The following SETBP1 variants were observed in gnomAD, a reference collection of about 807,000 sequenced individuals.
SETBP1 encodes the protein SET binding protein 1.
SETBP1 carries 9 observed loss-of-function variants against 101.0 expected under a neutral mutation model. The ratio of observed to expected loss-of-function variants is 0.09; its 90% CI spans 0.05 to 0.16. The LOEUF is 0.16. Ranked by LOEUF, SETBP1 falls within the 10% of genes least tolerant of loss-of-function variation. SETBP1 has a pLI of 1.00. For missense variants in SETBP1, 1,858 were observed against 2,033.8 expected (o/e 0.91, Z 1.66); for synonymous variants, 818 against 788.5 (o/e 1.04, Z -0.63).
intron 3 of SETBP1, among the ~76,000 whole-genome samples, chr18:44,893,375 T>C (rs1256112031): frequency 6.6e-6 from 1 of 152,200 alleles, no homozygotes; most frequent in Non-Finnish European, 1.5e-5. Flanking sequence ...ATTTGAAAGA[T>C]GTGCAAATGG....
At chr18:44,746,860 T>C (rs1364688847) in intron 2 of SETBP1, among the ~76,000 whole-genome samples, 1 of 152,214 alleles carries the variant, frequency 6.6e-6, no homozygotes, top group African/African-American at 2.4e-5. Flanking sequence ...GCACATGTGA[T>C]TGGAGACGAT....
chr18:44,815,342 G>A (rs892307734), intron 2 of SETBP1, among the ~76,000 whole-genome samples: 2 of 152,234 alleles, frequency 1.3e-5, no homozygotes, highest in Admixed American at 1.3e-4. Flanking sequence ...CAGGAGTTTT[G>A]AACTGAACTT....
intron 3 of SETBP1, among the ~76,000 whole-genome samples, chr18:44,930,546 G>T (rs542676403): frequency 4.9e-4 from 74 of 152,296 alleles, no homozygotes; most frequent in African/African-American, 1.7e-3. Flanking sequence ...GTAGAATTCA[G>T]CTGTGAATCC....
chr18:44,787,592 C>T (rs569683658), intron 2 of SETBP1, among the ~76,000 whole-genome samples: 5 of 151,908 alleles, frequency 3.3e-5, no homozygotes, highest in East Asian at 3.9e-4. Flanking sequence ...CGGTGGCTCA[C>T]GCCTGTAATC....
At chr18:44,943,740 C>T (rs1368440038) in intron 3 of SETBP1, among the ~76,000 whole-genome samples, 1 of 152,218 alleles carries the variant, frequency 6.6e-6, no homozygotes, top group Non-Finnish European at 1.5e-5. Flanking sequence ...TTGCTTCTAG[C>T]TTCAGTGATG....
In SETBP1 at chr18:44,701,310, C is replaced by T. The variant is rs2069111086; in HGVS notation, c.-37C>T. On this transcript the variant is annotated 5_prime_UTR_variant, in exon 2 of 6. Transcript: ENST00000649279. ...CTTTCCCTTTTCCCTTTTCCCCTTC[C>T]CCCTCCTGAGAACTCCGGAAGACTG... The T allele has an allele frequency of 6.9e-7, 1 of 1,453,334 alleles. No homozygotes were observed. Among genetic ancestry groups the T allele is most frequent in the Non-Finnish European group, 9.1e-7 (1 of 1,100,472 alleles). The allele number at this position is 1,453,334 out of a possible 1,614,324, so 90.0% of individuals were successfully genotyped here. A position where few individuals can be genotyped will look rare whatever the true frequency, so the allele number is the denominator to read the frequency against.
At chr18:44,814,596 G>A (rs1268510181) in intron 2 of SETBP1, among the ~76,000 whole-genome samples, 6 of 152,168 alleles carry the variant, frequency 3.9e-5, no homozygotes, top group Admixed American at 6.5e-5. Context: ...CTATGTAACC[G>A]AATGTTTGAT....
intron 5 of SETBP1, among the ~76,000 whole-genome samples, chr18:45,042,673 A>C (rs776850898): frequency 3.9e-5 from 6 of 152,220 alleles, no homozygotes; most frequent in African/African-American, 7.2e-5. Flanking sequence ...TGCATGTGTT[A>C]TATGGGTCCC....
chr18:44,901,392 A>C (rs2070041461), intron 3 of SETBP1, among the ~76,000 whole-genome samples: 1 of 152,208 alleles, frequency 6.6e-6, no homozygotes, highest in Admixed American at 6.6e-5. Flanking sequence ...TTTTGAAGCC[A>C]AACAGATTCA....
intron 4 of SETBP1, among the ~76,000 whole-genome samples, chr18:45,007,275 C>T (rs1377614508): frequency 1.3e-5 from 2 of 152,186 alleles, no homozygotes; most frequent in African/African-American, 4.8e-5. Flanking sequence ...TCTTTCATTT[C>T]TCCTGTGCAG....
At chr18:44,983,272 C>T (rs1225639229) in intron 4 of SETBP1, among the ~76,000 whole-genome samples, 1 of 152,142 alleles carries the variant, frequency 6.6e-6, no homozygotes, top group Non-Finnish European at 1.5e-5. Context: ...ACGTAGCCTC[C>T]TTCAGATGCA....
intron 1 of SETBP1, among the ~76,000 whole-genome samples, chr18:44,685,707 T>C (rs1388327555): frequency 6.6e-6 from 1 of 152,162 alleles, no homozygotes; most frequent in Non-Finnish European, 1.5e-5. Context: ...TCTGGGAGGA[T>C]TTCCATGCTG....
intron 2 of SETBP1, among the ~76,000 whole-genome samples, chr18:44,731,547 G>T (rs1214335623): frequency 2.0e-5 from 3 of 151,994 alleles, no homozygotes; most frequent in African/African-American, 7.3e-5. Context: ...AAAAATGTTG[G>T]TCATGATAGT....
chr18:44,867,167 T>G (rs1452802461), intron 2 of SETBP1, among the ~76,000 whole-genome samples: 1 of 152,140 alleles, frequency 6.6e-6, no homozygotes, highest in Non-Finnish European at 1.5e-5. Context: ...CATGAAGGAG[T>G]TGTGAATATT....
At chr18:44,821,706 C>T (rs1172575975) in intron 2 of SETBP1, among the ~76,000 whole-genome samples, 1 of 152,216 alleles carries the variant, frequency 6.6e-6, no homozygotes, top group Non-Finnish European at 1.5e-5. Flanking sequence ...AATGTATCAA[C>T]ATAGACTGAT....
intron 2 of SETBP1, among the ~76,000 whole-genome samples, chr18:44,742,692 G>A (rs2070125335): frequency 6.6e-6 from 1 of 152,114 alleles, no homozygotes; most frequent in African/African-American, 2.4e-5. Context: ...GGATGTCTGT[G>A]GGGAGGGCCA....
intron 2 of SETBP1, among the ~76,000 whole-genome samples, chr18:44,857,398 G>T (rs943774750): frequency 1.3e-5 from 2 of 152,182 alleles, no homozygotes; most frequent in Admixed American, 1.3e-4. Context: ...AGTTTCAAAG[G>T]CTGTCAGATC....
Position 45,036,349 on chromosome 18 carries a change from A to AT in SETBP1, c.4001-2136_4001-2135insT, listed in dbSNP as rs1178793183. On this transcript the variant is annotated intron_variant, in intron 4 of 5. Transcript: ENST00000649279. The stretch of plus-strand genomic sequence containing the variant: ...CTCTGTCTCAAAAAAAAAAAAAAAA[A>AT]GGCTAAGAAGTAAAAACACTCCCTC... Among the ~76,000 whole-genome samples, 1,131 of 148,036 alleles carry AT rather than the reference A, an allele frequency of 7.6e-3. 7 individuals carry two copies. Among genetic ancestry groups the AT allele is most frequent in the Non-Finnish European group, 0.012 (823 of 67,118 alleles).
chr18:44,978,385 C>T (rs1356513651), intron 4 of SETBP1, among the ~76,000 whole-genome samples: 1 of 152,136 alleles, frequency 6.6e-6, no homozygotes, highest in Non-Finnish European at 1.5e-5. Context: ...GAAACCATAA[C>T]ATTTTACATG....
Sources: gnomAD v4.1 joint callset for allele counts (sites outside exome capture counted in the v4.1 genomes callset) on GRCh38, gnomAD v4.1.1 for gene constraint, MANE v1.5 for transcripts, NCBI Gene and HGNC (gene_info 2026-07-23, HGNC 2026-07-21) for gene names.